The following RAPGEF1 variants were observed in gnomAD, a reference collection of about 807,000 sequenced individuals.
The protein encoded by RAPGEF1 is CRK SH3-binding GNRP.
Under a neutral mutation model 143.3 loss-of-function variants are expected in RAPGEF1, and 33 were observed. The ratio of observed to expected loss-of-function variants is 0.23; its 90% confidence interval spans 0.17 to 0.31. The LOEUF (loss-of-function observed/expected upper bound fraction) is 0.31, where lower values mean the gene tolerates loss of function less well. Among genes scored for constraint, RAPGEF1 ranks in the 10% least tolerant of loss-of-function variants. The pLI is 1.00. For missense variants in RAPGEF1, 1,199 were observed against 1,645.4 expected, an observed-to-expected ratio of 0.73 and a Z score of 4.69; for synonymous variants, 629 against 676.5, an observed-to-expected ratio of 0.93 and a Z score of 1.09.
intron 6 of RAPGEF1, 45 bp downstream of exon 6, chr9:131,630,191 C>T: frequency 6.4e-7 from 1 of 1,552,178 alleles, no homozygotes; most frequent in South Asian, 1.1e-5. Context: ...GCAGACTTTG[C>T]CACTGAGCGT....
chr9:131,725,669 G>A (rs1370228021), intron 1 of RAPGEF1, among the ~76,000 whole-genome samples: 3 of 151,832 alleles, frequency 2.0e-5, no homozygotes, highest in Non-Finnish European at 4.4e-5. Context: ...CAGTGATGTT[G>A]AGCACATTTT....
At chr9:131,582,737 G>A in intron 24 of RAPGEF1, 35 bp from the exon 25 acceptor site, 2 of 1,524,250 alleles carry the variant, frequency 1.3e-6, no homozygotes, top group Non-Finnish European at 1.8e-6. Flanking sequence ...CCGGACAGGG[G>A]TGAGCGAGTG....
chr9:131,701,699 T>C (rs569275031), intron 1 of RAPGEF1, among the ~76,000 whole-genome samples: 7 of 152,272 alleles, frequency 4.6e-5, no homozygotes, highest in Non-Finnish European at 8.8e-5. Flanking sequence ...TATGGTTTTA[T>C]ATTATTACAT....
intron 1 of RAPGEF1, among the ~76,000 whole-genome samples, chr9:131,722,341 C>A (rs78862595): frequency 6.6e-6 from 1 of 152,202 alleles, no homozygotes; most frequent in Non-Finnish European, 1.5e-5. Flanking sequence ...GCCAGTGATA[C>A]CTTCTCAAGA....
intron 1 of RAPGEF1, among the ~76,000 whole-genome samples, chr9:131,671,054 C>T (rs1278467009): frequency 1.3e-5 from 2 of 152,236 alleles, no homozygotes; most frequent in Admixed American, 6.5e-5. Context: ...TCATTTAACA[C>T]TCTCTAAACC....
intron 1 of RAPGEF1, among the ~76,000 whole-genome samples, chr9:131,719,312 T>C (rs569369018): frequency 6.6e-6 from 1 of 152,302 alleles, no homozygotes; most frequent in Non-Finnish European, 1.5e-5. Flanking sequence ...CAGGGCTCAT[T>C]AGATCACTGT....
chr9:131,622,771 CTT>C (rs35243547), intron 10 of RAPGEF1, among the ~76,000 whole-genome samples: 4 of 145,542 alleles, frequency 2.7e-5, no homozygotes, highest in Admixed American at 6.8e-5. Context: ...CTCACACTTC[CTT>C]TTTTTTTTTT....
intron 1 of RAPGEF1, among the ~76,000 whole-genome samples, chr9:131,704,971 A>C (rs973265370): frequency 6.6e-6 from 1 of 152,260 alleles, no homozygotes; most frequent in South Asian, 2.1e-4. Flanking sequence ...CAACTGAACA[A>C]TCATCAACAC....
intron 1 of RAPGEF1, among the ~76,000 whole-genome samples, chr9:131,715,359 C>A (rs1259045640): frequency 6.6e-6 from 1 of 152,052 alleles, no homozygotes; most frequent in African/African-American, 2.4e-5. Flanking sequence ...CAGAGCTGGA[C>A]CAGGCAAAGG....
intron 5 of RAPGEF1, among the ~76,000 whole-genome samples, chr9:131,635,331 T>C (rs892328339): frequency 2.6e-5 from 4 of 151,816 alleles, no homozygotes; most frequent in Admixed American, 2.0e-4. Context: ...GGCATTTATG[T>C]GGAGGTTTAA....
At chr9:131,714,866 C>G (rs1407030033) in intron 1 of RAPGEF1, among the ~76,000 whole-genome samples, 1 of 152,106 alleles carries the variant, frequency 6.6e-6, no homozygotes, top group Non-Finnish European at 1.5e-5. Flanking sequence ...TGCCACCATG[C>G]CTGGTTAATT....
chr9:131,592,110 C>T lies in RAPGEF1; in HGVS notation c.2763G>A (p.Lys921=), dbSNP rs199524213. ...GAAGGAAAGGATATCTGTACTGCAG[C>T]TTCTTGATGAGCTCCTCTGGGGAGA... ...TFISPEELIK[K]LQYRYEKFSP... is the part of the protein sequence containing the mutation. The change falls in exon 18 of 27, where the codon AAG becomes AAA. Residue 921 remains lysine, a synonymous_variant. Transcript: ENST00000683357. 2 of 1,610,384 alleles carry T rather than the reference C, an allele frequency of 1.2e-6. No individual in the cohort carries two copies. The highest frequency in any genetic ancestry group is 2.7e-5 in the African/African-American group (2 of 74,998).
At chr9:131,685,341 C>T (rs1451103433) in intron 1 of RAPGEF1, among the ~76,000 whole-genome samples, 1 of 152,172 alleles carries the variant, frequency 6.6e-6, no homozygotes, top group African/African-American at 2.4e-5. Context: ...ATAAACTGGC[C>T]CCAAAACTGG....
rs1338499136 is a variant in RAPGEF1 at position 131,711,043 on chromosome 9, AAT to A, written c.61+28725_61+28726del. 3.9e-5 allele frequency among the ~76,000 whole-genome samples: 6 copies of A among 151,932 alleles called. No homozygotes were observed. In the East Asian group the frequency reaches 1.2e-3, roughly 29 times the overall value. On this transcript the variant is annotated intron_variant, in intron 1 of 26. Coordinates refer to ENST00000683357, the MANE Select transcript of RAPGEF1 (RefSeq NM_001377935.1). ...CCTGACACTCAGGAGGTCCCTGGTG[AAT>A]ATTTAACTTTTTTTTTTTTTTTGGA...
At chr9:131,677,019 C>T (rs1346695596) in intron 1 of RAPGEF1, among the ~76,000 whole-genome samples, 1 of 152,190 alleles carries the variant, frequency 6.6e-6, no homozygotes, top group Non-Finnish European at 1.5e-5. Flanking sequence ...GCTGATGTCC[C>T]TTTTTATTGT....
intron 1 of RAPGEF1, among the ~76,000 whole-genome samples, chr9:131,720,833 C>T (rs913094035): frequency 1.3e-5 from 2 of 152,142 alleles, no homozygotes; most frequent in Admixed American, 1.3e-4. Flanking sequence ...AGACAAGTGT[C>T]CCTATATAAT....
chr9:131,678,637 C>G (rs1832644461), intron 1 of RAPGEF1, among the ~76,000 whole-genome samples: 1 of 152,208 alleles, frequency 6.6e-6, no homozygotes, highest in African/African-American at 2.4e-5. Context: ...CAACACTGAG[C>G]TCTGAGGCCC....
At chr9:131,732,805 T>C (rs1024220345) in intron 1 of RAPGEF1, among the ~76,000 whole-genome samples, 1 of 152,232 alleles carries the variant, frequency 6.6e-6, no homozygotes, top group African/African-American at 2.4e-5. Context: ...TTAGTAAGTA[T>C]TTACTGAGCA....
intron 1 of RAPGEF1, among the ~76,000 whole-genome samples, chr9:131,706,887 T>C (rs1411997851): frequency 6.6e-6 from 1 of 152,228 alleles, no homozygotes; most frequent in Non-Finnish European, 1.5e-5. Flanking sequence ...TCCAATTCAC[T>C]GTGGATCTTG....
Sources: gnomAD v4.1 joint callset for allele counts (sites outside exome capture counted in the v4.1 genomes callset) on GRCh38, gnomAD v4.1.1 for gene constraint, MANE v1.5 for transcripts, NCBI Gene and HGNC (gene_info 2026-07-23, HGNC 2026-07-21) for gene names.